The following LHPP variants were observed in gnomAD, a reference collection of about 807,000 sequenced individuals.
The protein encoded by LHPP is hLHPP.
In LHPP, 24 loss-of-function variants were observed where a neutral mutation model predicts 30.3. The observed-to-expected ratio is 0.79, with a 90% CI of 0.57 to 1.11. LHPP has a LOEUF of 1.11. Ranked by LOEUF, LHPP falls within the 50% of genes most tolerant of loss-of-function variation. The pLI is 0.00. For missense variants in LHPP, 356 were observed against 367.2 expected (o/e 0.97, Z 0.25); for synonymous variants, 150 against 157.1 (o/e 0.95, Z 0.34).
chr10:124,490,945 T>C (rs1414668578), intron 3 of LHPP, among the ~76,000 whole-genome samples: 1 of 146,168 alleles, frequency 6.8e-6, no homozygotes, highest in Non-Finnish European at 1.5e-5. Context: ...CTGCACAACC[T>C]AGAGTTCTGG....
At chr10:124,601,283 C>T (rs745553780) in intron 6 of LHPP, among the ~76,000 whole-genome samples, 11 of 152,332 alleles carry the variant, frequency 7.2e-5, no homozygotes, top group Admixed American at 1.3e-4. Flanking sequence ...CACGCTGCAG[C>T]GCAGTGCTGC....
At chr10:124,597,950 G>A (rs907632353) in intron 6 of LHPP, among the ~76,000 whole-genome samples, 7 of 152,162 alleles carry the variant, frequency 4.6e-5, no homozygotes, top group East Asian at 1.9e-4. Context: ...CTGCCAAAGC[G>A]AGCCTTTTAG....
chr10:124,531,825 T>C (rs1954908099), intron 6 of LHPP, among the ~76,000 whole-genome samples: 1 of 152,232 alleles, frequency 6.6e-6, no homozygotes, highest in Non-Finnish European at 1.5e-5. Flanking sequence ...TTTGAGGTGA[T>C]GCGATGTCCC....
At position 124,470,590 on chromosome 10, in the gene LHPP, G is replaced by A. The variant is rs557623785; in HGVS notation, c.125+8603G>A. On this transcript the variant is annotated intron_variant, in intron 1 of 6. Coordinates refer to ENST00000368842, the MANE Select transcript of LHPP (RefSeq NM_022126.4). Reference sequence around the variant, plus strand: ...CCCCAGTATCCCCTCCTTCATGCCCGGCTTCCCTGGTACCATCCAGCCCTA... The same window carrying A: ...CCCCAGTATCCCCTCCTTCATGCCCAGCTTCCCTGGTACCATCCAGCCCTA... 6.6e-5 allele frequency among the ~76,000 whole-genome samples: 10 copies of A among 152,014 alleles called. No individual in the cohort carries two copies. In the South Asian group the frequency reaches 1.0e-3, roughly 16 times the overall value.
chr10:124,520,239 G>C (rs1177740491), intron 6 of LHPP, among the ~76,000 whole-genome samples: 2 of 151,592 alleles, frequency 1.3e-5, no homozygotes, highest in African/African-American at 4.8e-5. Context: ...TCATCACTCA[G>C]ATATTAAACC....
rs78698064 is a variant in LHPP at position 124,550,492 on chromosome 10, C to T, written c.716+33221C>T. Among the ~76,000 whole-genome samples, 864 of 151,988 alleles carry T rather than the reference C, an allele frequency of 5.7e-3. 9 individuals are homozygous for T. The highest frequency in any genetic ancestry group is 0.017 in the African/African-American group (693 of 41,460). On this transcript the variant is annotated intron_variant, in intron 6 of 6. Transcript: ENST00000368842. ...TGTTTCTTCCTAGGACTTCTGAAAA[C>T]GTGTGGGTGGGGGAGGGTGTGGAGG... is the stretch of plus-strand genomic sequence containing the variant.
chr10:124,612,998 CTCCACCACAAGGCTGAGCAGGCTCCCCAG>C, intron 6 of LHPP: 1 of 534,252 alleles, frequency 1.9e-6, no homozygotes, highest in South Asian at 2.1e-5. Context: ...CCGGCTGTCA[CTCCACCACAAGGCTGAGCAGGCTCCCCAG>C]TGGGAGACAG....
intron 5 of LHPP, among the ~76,000 whole-genome samples, chr10:124,504,516 C>G (rs59095938): frequency 0.045 from 6,598 of 146,730 alleles, 327 homozygotes; most frequent in East Asian, 0.17. Context: ...GGGCAGATTG[C>G]TTGGGCCCAG....
chr10:124,575,870 C>T (rs535250001), intron 6 of LHPP, among the ~76,000 whole-genome samples: 19 of 152,156 alleles, frequency 1.2e-4, no homozygotes, highest in South Asian at 2.1e-4. Context: ...GTTGGGTGTG[C>T]GAGGTCGCAG....
chr10:124,473,830 T>G (rs1426117918), intron 1 of LHPP, among the ~76,000 whole-genome samples: 1 of 152,040 alleles, frequency 6.6e-6, no homozygotes, highest in African/African-American at 2.4e-5. Context: ...GGTTTGCACC[T>G]CTAATACCAA....
At chr10:124,607,363 A>T (rs2061068) in intron 6 of LHPP, among the ~76,000 whole-genome samples, 1 of 152,156 alleles carries the variant, frequency 6.6e-6, no homozygotes, top group African/African-American at 2.4e-5. Flanking sequence ...TGGGAGACAC[A>T]GCCCACAGCA....
intron 6 of LHPP, among the ~76,000 whole-genome samples, chr10:124,568,008 G>A (rs1948520226): frequency 6.6e-6 from 1 of 152,244 alleles, no homozygotes; most frequent in Non-Finnish European, 1.5e-5. Context: ...CGCCTCCCGG[G>A]TTCAAGCGAT....
chr10:124,613,329 T>G lies in LHPP; in HGVS notation c.782T>G (p.Val261Gly), dbSNP rs1479684832. Residue 261 changes from valine (V) to glycine (G), a missense_variant, in exon 7 of 7, where the codon GTG becomes GGG. Transcript: ENST00000368842. The part of the protein sequence containing the change: ...DGYVDNLAEA[V>G]DLLLQHADK Reference sequence around the variant, plus strand: ...TACGTGGACAACCTCGCAGAGGCAGTGGACCTGCTGCTGCAGCACGCCGAC... The same window carrying G: ...TACGTGGACAACCTCGCAGAGGCAGGGGACCTGCTGCTGCAGCACGCCGAC... The G allele has an allele frequency of 6.2e-6, 10 of 1,612,928 alleles. No individual in the cohort carries two copies. In the Admixed American group the frequency reaches 1.7e-4, roughly 27 times the overall value.
At chr10:124,479,091 A>G (rs1363562171) in intron 1 of LHPP, among the ~76,000 whole-genome samples, 1 of 147,286 alleles carries the variant, frequency 6.8e-6, no homozygotes, top group Admixed American at 6.8e-5. Context: ...AAAAAGATCC[A>G]GTTTGGCTAC....
At chr10:124,610,275 G>A (rs968315371) in intron 6 of LHPP, among the ~76,000 whole-genome samples, 10 of 152,104 alleles carry the variant, frequency 6.6e-5, no homozygotes, top group South Asian at 2.1e-4. Context: ...ACACTGACAC[G>A]GGTTGTTCTT....
chr10:124,566,487 A>G (rs76848611), intron 6 of LHPP, among the ~76,000 whole-genome samples: 7,394 of 152,172 alleles, frequency 0.049, 550 homozygotes, highest in African/African-American at 0.17. Flanking sequence ...GGGGTGTTGG[A>G]GCCTGCTTGG....
chr10:124,488,684 G>A, intron 3 of LHPP, 109 bp downstream of exon 3: 1 of 905,308 alleles, frequency 1.1e-6, no homozygotes, highest in East Asian at 2.6e-5. Flanking sequence ...GGTGGGAGGA[G>A]CACCGGTGAT....
intron 6 of LHPP, among the ~76,000 whole-genome samples, chr10:124,545,452 C>A (rs1955311500): frequency 6.6e-6 from 1 of 152,234 alleles, no homozygotes; most frequent in South Asian, 2.1e-4. Flanking sequence ...CACGGCAGCC[C>A]ATGCACCCAG....
chr10:124,542,697 T>C (rs1298992206), intron 6 of LHPP, among the ~76,000 whole-genome samples: 2 of 151,996 alleles, frequency 1.3e-5, no homozygotes, highest in African/African-American at 4.8e-5. Flanking sequence ...GGAGGCCCAT[T>C]TTTCCCAGAA....
Sources: allele counts gnomAD v4.1 joint callset (sites outside exome capture counted in the v4.1 genomes callset), GRCh38; gene constraint gnomAD v4.1.1; transcripts MANE v1.5; gene names NCBI Gene and HGNC (gene_info 2026-07-23, HGNC 2026-07-21).